CACNA1G: variants seen among roughly 807,000 people sequenced by gnomAD.
CACNA1G encodes voltage-dependent T-type calcium channel subunit alpha-1G.
A neutral mutation model predicts 219.4 loss-of-function variants in CACNA1G; 67 were observed. The ratio of observed to expected loss-of-function variants is 0.31; its 90% CI spans 0.25 to 0.37. CACNA1G has a LOEUF of 0.37. Ranked by LOEUF, CACNA1G falls within the 10% of genes least tolerant of loss-of-function variation. The pLI is 1.00. For missense variants in CACNA1G, 2,380 were observed against 3,231.4 expected, an observed-to-expected ratio of 0.74 and a Z score of 6.39; for synonymous variants, 1,296 against 1,345.3, an observed-to-expected ratio of 0.96 and a Z score of 0.80.
chr17:50,626,575 G>A lies in CACNA1G; in HGVS notation c.6958G>A (p.Gly2320Ser). ...SITIDPPESQ[G>S]PRTPPSPGIC... ...CACCATAGACCCCCCCGAGAGCCAA[G>A]GTCCTCGGACCCCGCCCAGCCCTGG... The change falls in exon 38 of 38, where the codon GGT becomes AGT. Residue 2320 changes from glycine to serine, a missense_variant. Physicochemically the swap from Gly to Ser is moderately conservative, Grantham distance 56 (BLOSUM62 0). Coordinates refer to ENST00000359106, the MANE Select transcript of CACNA1G (RefSeq NM_018896.5). This position sits in a 1 kb window ranked among gnomAD's most constrained non-coding sequence, Gnocchi z 4.3. The A allele has an allele frequency of 6.3e-7, 1 of 1,599,570 alleles. No individual in the cohort carries two copies. The highest frequency in any genetic ancestry group is 8.5e-7 in the Non-Finnish European group (1 of 1,174,090).
intron 4 of CACNA1G, among the ~76,000 whole-genome samples, chr17:50,570,938 G>C (rs538857087): frequency 6.6e-6 from 1 of 152,300 alleles, no homozygotes; most frequent in East Asian, 1.9e-4. Flanking sequence ...CCCTGGAGGG[G>C]CCAGGGGGCC....
chr17:50,595,121 C>T, intron 14 of CACNA1G, 60 bp downstream of exon 14: 1 of 1,267,502 alleles, frequency 7.9e-7, no homozygotes. Context: ...CCCCTCCACT[C>T]CGCCTCCGTG....
At position 50,561,748 on chromosome 17, in the gene CACNA1G, G is replaced by A. The variant is rs758461679; in HGVS notation, c.242+47G>A. On this transcript the variant is annotated intron_variant, in intron 1 of 37. Transcript: ENST00000359106. ...CCAGGCGCGGGGTCAGAAGGGGGACGGGCCGCACCGCCGGGGGTCGGGGGG... is the reference window on the plus strand; with the variant it reads ...CCAGGCGCGGGGTCAGAAGGGGGACAGGCCGCACCGCCGGGGGTCGGGGGG... 1.1e-5 allele frequency: 16 copies of A among 1,463,994 alleles called. No homozygotes were observed. In the East Asian group the frequency reaches 1.3e-4, roughly 12 times the overall value. 90.7% of individuals were successfully genotyped at this position (1,463,994 alleles called of 1,614,324 possible). A position where few individuals can be genotyped will look rare whatever the true frequency, so the allele number is the denominator to read the frequency against.
chr17:50,596,422 C>A lies in CACNA1G; in HGVS notation c.2980-140C>A. ...CCCCAAGCCTGGGGGGTCTGGCCTG[C>A]GCCGTGCATGTCTCGTGCCGTGGTT... On this transcript the variant is annotated intron_variant, in intron 14 of 37. Coordinates refer to ENST00000359106, the MANE Select transcript of CACNA1G (RefSeq NM_018896.5). This position sits in a 1 kb window ranked among gnomAD's most constrained non-coding sequence, Gnocchi z 4.8. The A allele has an allele frequency of 1.4e-6, 1 of 701,772 alleles. No individual in the cohort carries two copies. The allele number at this position is 701,772 out of a possible 1,614,324, so 43.5% of individuals were successfully genotyped here. A position where few individuals can be genotyped will look rare whatever the true frequency, so the allele number is the denominator to read the frequency against.
rs566462370 is a variant in CACNA1G at position 50,601,760 on chromosome 17, C to T, written c.3915+586C>T. ...CACCCTGGGAGCTGTCTCTTCCTAG[C>T]CTGGCATTATAGCCCTTCGCTGTCG... On this transcript the variant is annotated intron_variant, in intron 19 of 37. Coordinates refer to ENST00000359106, the MANE Select transcript of CACNA1G (RefSeq NM_018896.5). Among the ~76,000 whole-genome samples the T allele has an allele frequency of 1.2e-4, 19 of 152,288 alleles. No individual in the cohort carries two copies. The South Asian group carries it at 3.7e-3, about 30-fold the overall frequency.
chr17:50,619,362 C>G (rs145984115), intron 33 of CACNA1G, among the ~76,000 whole-genome samples: 2 of 152,142 alleles, frequency 1.3e-5, no homozygotes, highest in African/African-American at 4.8e-5. Flanking sequence ...ACCCTTTAAC[C>G]TGCCTGATTC....
rs2039709803 is a variant in CACNA1G, at chr17:50,572,614, C to T, written c.807C>T (p.Phe269=). 1 of 1,593,010 alleles carries T rather than the reference C, an allele frequency of 6.3e-7. No individual in the cohort carries two copies. The highest frequency in any genetic ancestry group is 8.5e-7 in the Non-Finnish European group (1 of 1,170,100). Residue 269 remains phenylalanine (F), a synonymous_variant, in exon 6 of 38, where the codon TTC becomes TTT. Coordinates refer to ENST00000359106, the MANE Select transcript of CACNA1G (RefSeq NM_018896.5). ...CAGAGAACGAGGATGAGAGCCCCTT[C>T]ATCTGCTCCCAGCCACGCGAGAACG... ...YQTENEDESP[F]ICSQPRENGM...
intron 9 of CACNA1G, among the ~76,000 whole-genome samples, chr17:50,581,599 C>G (rs1204419907): frequency 6.6e-6 from 1 of 152,204 alleles, no homozygotes; most frequent in Non-Finnish European, 1.5e-5. Flanking sequence ...TATGTGATAC[C>G]CCACCCCGCC....
At chr17:50,597,410 G>T (rs986594721) in intron 16 of CACNA1G, among the ~76,000 whole-genome samples, 2 of 152,206 alleles carry the variant, frequency 1.3e-5, no homozygotes, top group African/African-American at 4.8e-5. Context: ...TTGCAGAAGG[G>T]AATGGCAGAG....
intron 7 of CACNA1G, 76 bp from the exon 8 acceptor site, chr17:50,575,467 G>A: frequency 1.4e-6 from 2 of 1,414,300 alleles, no homozygotes; most frequent in Non-Finnish European, 9.5e-7. Flanking sequence ...TCATAGGAAT[G>A]CCTCCGTATG....
chr17:50,615,603 T>C, intron 27 of CACNA1G, 91 bp downstream of exon 27: 2 of 1,439,020 alleles, frequency 1.4e-6, no homozygotes, highest in Non-Finnish European at 9.4e-7. Flanking sequence ...AGGGTACCTC[T>C]GTGCCAAGCA....
chr17:50,624,324 T>TCCCCCCCCCCCCCCCCCCCCTGCCCCCC, intron 36 of CACNA1G, 36 bp from the exon 37 acceptor site: 1 of 1,177,660 alleles, frequency 8.5e-7, no homozygotes, highest in Non-Finnish European at 1.2e-6. Flanking sequence ...CTCCATTCTC[T>TCCCCCCCCCCCCCCCCCCCCTGCCCCCC]CCCCCCACCC....
Position 50,591,761 on chromosome 17 carries a change from G to A in CACNA1G, c.2662G>A (p.Gly888Ser), listed in dbSNP as rs2044393033. 2 of 1,613,886 alleles carry A rather than the reference G, an allele frequency of 1.2e-6. No homozygotes were observed. Among genetic ancestry groups the A allele is most frequent in the Non-Finnish European group, 1.7e-6 (2 of 1,179,846 alleles). ...IFSILGMHLFGCKFASERDGD... is the reference protein window; with the variant it reads ...IFSILGMHLFSCKFASERDGD... Reference sequence around the variant, plus strand: ...CAGCATCCTGGGCATGCATCTCTTCGGCTGCAAGTTTGCCTCTGAGCGGGA... The same window carrying A: ...CAGCATCCTGGGCATGCATCTCTTCAGCTGCAAGTTTGCCTCTGAGCGGGA... Residue 888 changes from glycine (G) to serine (S), a missense_variant, in exon 12 of 38, where the codon GGC becomes AGC. Gly to Ser is a moderately conservative substitution (Grantham distance 56). Around this residue, in one of 17 missense-constraint regions of CACNA1G, gnomAD observed 43 missense variants for 139.4 expected, o/e 0.31. Transcript: ENST00000359106.
intron 22 of CACNA1G, 57 bp from the exon 23 acceptor site, chr17:50,605,841 C>T (rs2047849228): frequency 3.1e-6 from 5 of 1,603,618 alleles, no homozygotes; most frequent in Non-Finnish European, 4.3e-6. Context: ...GCTCAGGAGT[C>T]CTGGGCTTCC....
chr17:50,612,060 G>A (rs1181030054), intron 26 of CACNA1G, among the ~76,000 whole-genome samples: 4 of 152,358 alleles, frequency 2.6e-5, no homozygotes, highest in African/African-American at 9.6e-5. Context: ...AGTTCTGCGT[G>A]GCCTATGCCA....
rs739925 is a variant in CACNA1G at position 50,626,391 on chromosome 17, T to C, written c.6774T>C (p.Pro2258=). 0.43 allele frequency: 695,576 copies of C among 1,610,612 alleles called. 154,062 individuals are homozygous for C. The highest frequency in any genetic ancestry group is 0.52 in the African/African-American group (38,742 of 74,886). ...AGGCCCAGAGCTGCCAGCGCCGGCCTACGTCCTGGCTGGATGAGCAGAGGA... is the reference window on the plus strand; with the variant it reads ...AGGCCCAGAGCTGCCAGCGCCGGCCCACGTCCTGGCTGGATGAGCAGAGGA... The part of the protein sequence containing the change: ...SVEAQSCQRR[P]TSWLDEQRRH... The change falls in exon 38 of 38, where the codon CCT becomes CCC. Residue 2258 remains proline, a synonymous_variant. Coordinates refer to ENST00000359106, the MANE Select transcript of CACNA1G (RefSeq NM_018896.5). This position sits in a 1 kb window ranked among gnomAD's most constrained non-coding sequence, Gnocchi z 4.3.
chr17:50,596,722 C>T lies in CACNA1G; in HGVS notation c.3065-8C>T, dbSNP rs372121119. 1.6e-5 allele frequency: 26 copies of T among 1,613,326 alleles called. No individual in the cohort carries two copies. The highest frequency in any genetic ancestry group is 2.1e-5 in the Non-Finnish European group (25 of 1,179,756). ...GGACTCGGGATCTCTCCCTCTCTCC[C>T]CGTGCAGTGGTGTCCCTGGGAGAGC... On this transcript the variant is annotated splice_region_variant and splice_polypyrimidine_tract_variant and intron_variant, in intron 15 of 37. Coordinates refer to ENST00000359106, the MANE Select transcript of CACNA1G (RefSeq NM_018896.5). The surrounding 1 kb of genome is among the most constrained non-coding windows in gnomAD (Gnocchi z 4.8).
At chr17:50,622,307 G>A (rs1325198575) in intron 35 of CACNA1G, among the ~76,000 whole-genome samples, 3 of 151,986 alleles carry the variant, frequency 2.0e-5, no homozygotes, top group Admixed American at 6.6e-5. Flanking sequence ...CACTGTCCCC[G>A]TGTGTCCCTG....
chr17:50,568,811 G>T, intron 1 of CACNA1G, 59 bp from the exon 2 acceptor site: 2 of 1,352,500 alleles, frequency 1.5e-6, no homozygotes, highest in East Asian at 2.3e-5. Context: ...TGTTAGGGCG[G>T]GGTCGGGGGG....
Sources: gnomAD v4.1 joint callset for allele counts (sites outside exome capture counted in the v4.1 genomes callset) on GRCh38, gnomAD v4.1.1 for gene constraint, gnomAD v4.1.1 regional missense constraint, Gnocchi (gnomAD v3.1) non-coding constraint, MANE v1.5 for transcripts, NCBI Gene and HGNC (gene_info 2026-07-23, HGNC 2026-07-21) for gene names.